The following LRP1B variants were observed in gnomAD, a reference collection of about 807,000 sequenced individuals.
The protein encoded by LRP1B is low-density lipoprotein receptor-related protein 1B.
A neutral mutation model predicts 556.6 loss-of-function variants in LRP1B; 217 were observed. The ratio of observed to expected loss-of-function variants is 0.39; its 90% CI spans 0.35 to 0.44. LRP1B has a LOEUF of 0.44. Among genes scored for constraint, LRP1B ranks in the 20% least tolerant of loss-of-function variants. The pLI, the probability that LRP1B is intolerant of heterozygous loss-of-function variation, is 1.00. For synonymous variants in LRP1B, 2,047 were observed against 1,865.8 expected (o/e 1.10, Z -2.50); for missense variants, 5,053 against 5,620.8 (o/e 0.90, Z 3.23).
intron 3 of LRP1B, among the ~76,000 whole-genome samples, chr2:141,387,637 T>G (rs1689878510): frequency 6.6e-6 from 1 of 152,092 alleles, no homozygotes; most frequent in Admixed American, 6.6e-5. Flanking sequence ...TCTTAACAGA[T>G]GTATAAGAAG....
intron 7 of LRP1B, among the ~76,000 whole-genome samples, chr2:141,114,117 G>C (rs1397470588): frequency 6.6e-6 from 1 of 152,184 alleles, no homozygotes; most frequent in African/African-American, 2.4e-5. Flanking sequence ...TCGTTTGCTC[G>C]GCTGCCATGT....
At chr2:141,028,908 A>T (rs1018135491) in intron 11 of LRP1B, among the ~76,000 whole-genome samples, 1 of 152,148 alleles carries the variant, frequency 6.6e-6, no homozygotes, top group Non-Finnish European at 1.5e-5. Flanking sequence ...AAACATACGC[A>T]GAATAATCAC....
At chr2:141,533,700 C>A (rs1252553004) in intron 2 of LRP1B, among the ~76,000 whole-genome samples, 1 of 152,150 alleles carries the variant, frequency 6.6e-6, no homozygotes, top group Non-Finnish European at 1.5e-5. Context: ...ATCTCTCCTG[C>A]TCAATATGGG....
chr2:140,813,695 T>G lies in LRP1B; in HGVS notation c.5321A>C (p.Lys1774Thr), dbSNP rs1399613219. 2.5e-6 allele frequency: 4 copies of G among 1,613,422 alleles called. No homozygotes were observed. The highest frequency in any genetic ancestry group is 3.4e-6 in the Non-Finnish European group (4 of 1,179,618). ...GGCTGTAGCTTTTGTTAATTCTTCT[T>G]TCATTGACTCGATTACTTCTAAATT... The part of the protein sequence containing the change: ...GGNLEVIESM[K>T]EELTKATALT... The change falls in exon 32 of 91, where the codon AAA (lysine) becomes ACA (threonine). Residue 1774 changes from lysine to threonine, a missense_variant. This residue lies in a region of LRP1B where 3,619 missense variants were observed against 3,931.9 expected (regional missense o/e 0.92). Coordinates refer to ENST00000389484, the MANE Select transcript of LRP1B (RefSeq NM_018557.3).
intron 48 of LRP1B, 69 bp from the exon 49 acceptor site, chr2:140,526,062 C>A (rs2104968730): frequency 6.6e-7 from 1 of 1,520,968 alleles, no homozygotes; most frequent in South Asian, 1.2e-5. Context: ...CTATGTAGGT[C>A]ATAGAGATGA....
In LRP1B at chr2:140,752,269, A is replaced by T. The variant is rs182353433; in HGVS notation, c.5758+16944T>A. On this transcript the variant is annotated intron_variant, in intron 35 of 90. Coordinates refer to ENST00000389484, the MANE Select transcript of LRP1B (RefSeq NM_018557.3). ...AACAAACAAAACACTTAGCCACGGA[A>T]TAAATAGAATTCTACTAAATCTAAT... 3.8e-3 allele frequency among the ~76,000 whole-genome samples: 578 copies of T among 152,232 alleles called. 4 individuals carry two copies. The highest frequency in any genetic ancestry group is 0.012 in the African/African-American group (504 of 41,532).
intron 2 of LRP1B, among the ~76,000 whole-genome samples, chr2:141,720,903 C>T (rs1692787041): frequency 6.6e-6 from 1 of 152,054 alleles, no homozygotes; most frequent in African/African-American, 2.4e-5. Flanking sequence ...GTTGGTAATG[C>T]ATATCTGTGA....
intron 2 of LRP1B, among the ~76,000 whole-genome samples, chr2:141,746,165 T>C (rs534223029): frequency 2.0e-5 from 3 of 152,168 alleles, no homozygotes; most frequent in East Asian, 3.9e-4. Flanking sequence ...TCTCAGTAGG[T>C]AGCGTGCCCC....
intron 66 of LRP1B, among the ~76,000 whole-genome samples, chr2:140,407,323 A>T (rs1305044769): frequency 1.3e-5 from 2 of 152,112 alleles, no homozygotes; most frequent in East Asian, 3.8e-4. Flanking sequence ...AATGTGACAA[A>T]TATAATAAAT....
chr2:141,613,287 T>C (rs1029632736), intron 2 of LRP1B, among the ~76,000 whole-genome samples: 2 of 152,106 alleles, frequency 1.3e-5, no homozygotes, highest in Non-Finnish European at 2.9e-5. Flanking sequence ...CCTGTAGTCA[T>C]TGACACTACA....
chr2:140,390,932 T>C (rs1683990282), intron 66 of LRP1B, among the ~76,000 whole-genome samples: 1 of 152,094 alleles, frequency 6.6e-6, no homozygotes, highest in African/African-American at 2.4e-5. Flanking sequence ...CCATATCTAA[T>C]TTTTATGAGA....
intron 41 of LRP1B, among the ~76,000 whole-genome samples, chr2:140,618,780 G>T (rs1231728373): frequency 2.0e-5 from 3 of 151,982 alleles, no homozygotes; most frequent in Non-Finnish European, 4.4e-5. Flanking sequence ...ATAACACCTG[G>T]TCCCCTCATT....
Position 141,005,430 on chromosome 2 carries a change from C to G in LRP1B, c.2408G>C (p.Gly803Ala), listed in dbSNP as rs2105373925. 6.2e-7 allele frequency: 1 copy of G among 1,611,060 alleles called. No homozygotes were observed. Among genetic ancestry groups the G allele is most frequent in the Admixed American group, 1.7e-5 (1 of 59,816 alleles). ...QGDNMCRVNNGGCSTLCLAIP... is the reference protein window; with the variant it reads ...QGDNMCRVNNAGCSTLCLAIP... The stretch of plus-strand genomic sequence containing the variant: ...AGCCAAGCAAAGTGTACTACAGCCC[C>G]CATTATTTACTCGGCACATATTGTC... The change falls in exon 15 of 91, where the codon GGG (glycine) becomes GCG (alanine). Residue 803 changes from glycine (G) to alanine (A), a missense_variant. Transcript: ENST00000389484.
intron 1 of LRP1B, among the ~76,000 whole-genome samples, chr2:142,075,065 T>A (rs553753411): frequency 2.0e-5 from 3 of 152,274 alleles, no homozygotes; most frequent in South Asian, 4.1e-4. Context: ...TATCTTTCAA[T>A]CTTCATTAAC....
chr2:141,899,896 A>G (rs1337469597), intron 1 of LRP1B, among the ~76,000 whole-genome samples: 6 of 151,896 alleles, frequency 4.0e-5, no homozygotes, highest in Non-Finnish European at 8.8e-5. Flanking sequence ...TTGAAGTGAA[A>G]TCTCTACCCC....
At chr2:141,241,138 G>C (rs1392978703) in intron 5 of LRP1B, among the ~76,000 whole-genome samples, 2 of 152,050 alleles carry the variant, frequency 1.3e-5, no homozygotes, top group Non-Finnish European at 2.9e-5. Flanking sequence ...TGTATCATTT[G>C]GATAGTAAAA....
chr2:142,041,227 T>C lies in LRP1B; in HGVS notation c.82+89421A>G, dbSNP rs139819487. Among the ~76,000 whole-genome samples the C allele has an allele frequency of 3.5e-3, 526 of 151,496 alleles. 2 individuals carry two copies. The highest frequency in any genetic ancestry group is 0.012 in the African/African-American group (477 of 41,440). ...AAGATTTGTAACTTGCCTTTGGTAG[T>C]AGGTTGTAGAGACCTGTTAGTGACA... On this transcript the variant is annotated intron_variant, in intron 1 of 90. Transcript: ENST00000389484.
At chr2:140,883,303 A>G (rs191886197) in intron 25 of LRP1B, among the ~76,000 whole-genome samples, 170 of 152,258 alleles carry the variant, frequency 1.1e-3, no homozygotes, top group African/African-American at 3.5e-3. Context: ...CAAACCTCCT[A>G]ACAGTCAATA....
At chr2:141,047,486 T>C (rs1320065709) in intron 11 of LRP1B, among the ~76,000 whole-genome samples, 3 of 152,124 alleles carry the variant, frequency 2.0e-5, no homozygotes, top group Non-Finnish European at 4.4e-5. Flanking sequence ...TAAATAATTT[T>C]AGTCTATCTC....
Sources: allele counts gnomAD v4.1 joint callset (sites outside exome capture counted in the v4.1 genomes callset), GRCh38; gene constraint gnomAD v4.1.1; regional missense constraint gnomAD v4.1.1; transcripts MANE v1.5; gene names NCBI Gene and HGNC (gene_info 2026-07-23, HGNC 2026-07-21).